Variants in THSD7B observed in about 807,000 individuals in gnomAD.
THSD7B encodes the protein thrombospondin type-1 domain-containing protein 7B.
THSD7B carries 138 observed loss-of-function variants against 213.6 expected under a neutral mutation model. The ratio of observed to expected loss-of-function variants is 0.65; its 90% CI spans 0.56 to 0.74. The LOEUF is 0.74. THSD7B is among the 30% of genes least tolerant of loss of function. THSD7B has a pLI of 0.00. For synonymous variants in THSD7B, 742 were observed against 687.0 expected (o/e 1.08, Z -1.25); for missense variants, 1,931 against 1,991.5 (o/e 0.97, Z 0.58).
At chr2:137,057,295 CTTCT>C in intron 3 of THSD7B, 65 bp downstream of exon 3, 1 of 1,372,756 alleles carries the variant, frequency 7.3e-7, no homozygotes, top group Non-Finnish European at 9.8e-7. Context: ...CTTTATAAAG[CTTCT>C]TTATGATTTT....
chr2:137,226,173 C>T (rs949454190), intron 7 of THSD7B, among the ~76,000 whole-genome samples: 8 of 151,574 alleles, frequency 5.3e-5, no homozygotes, highest in African/African-American at 1.9e-4. Flanking sequence ...AGAGTATTTT[C>T]GATAACTGTT....
chr2:137,424,223 A>C (rs976381037), intron 14 of THSD7B, among the ~76,000 whole-genome samples: 4 of 152,098 alleles, frequency 2.6e-5, no homozygotes, highest in African/African-American at 9.7e-5. Flanking sequence ...AAAAACTTAA[A>C]AGCATATCTT....
At chr2:137,330,200 T>C (rs1194675410) in intron 12 of THSD7B, among the ~76,000 whole-genome samples, 1 of 152,112 alleles carries the variant, frequency 6.6e-6, no homozygotes, top group Non-Finnish European at 1.5e-5. Flanking sequence ...AGAGGCCTCG[T>C]AAAGAAACTT....
chr2:137,234,903 T>A (rs1681730563), intron 9 of THSD7B, among the ~76,000 whole-genome samples: 1 of 152,182 alleles, frequency 6.6e-6, no homozygotes, highest in Non-Finnish European at 1.5e-5. Context: ...TCATAAATAC[T>A]GTTTTTGCTC....
At chr2:137,659,810 A>G (rs1454170359) in intron 25 of THSD7B, 64 bp downstream of exon 25, 4 of 1,477,546 alleles carry the variant, frequency 2.7e-6, no homozygotes, top group Admixed American at 4.2e-5. Flanking sequence ...ATGCAATCAG[A>G]TGTTCTCCTG....
At chr2:137,450,250 A>G (rs1008047012) in intron 14 of THSD7B, among the ~76,000 whole-genome samples, 7 of 152,204 alleles carry the variant, frequency 4.6e-5, no homozygotes, top group African/African-American at 1.7e-4. Context: ...AAGGCCAGGT[A>G]GAGCTAGAAC....
rs571659942 is a variant in THSD7B, at chr2:136,775,042, A to G, written c.-36+9355A>G. ...TGCCAGTTCCAGTTTCTAGGAATTT[A>G]CAGTCTACCTATGGAGATATGACAT... On this transcript the variant is annotated intron_variant, in intron 1 of 27. Transcript: ENST00000409968. 2.6e-5 allele frequency among the ~76,000 whole-genome samples: 4 copies of G among 152,270 alleles called. No homozygotes were observed. In the South Asian group the frequency reaches 8.3e-4, roughly 32 times the overall value.
chr2:137,221,765 G>A (rs1681376479), intron 7 of THSD7B, among the ~76,000 whole-genome samples: 2 of 152,076 alleles, frequency 1.3e-5, no homozygotes, highest in South Asian at 2.1e-4. Flanking sequence ...GTTTCTGAAG[G>A]TTAATTACAG....
At chr2:137,474,458 T>C (rs964590493) in intron 15 of THSD7B, among the ~76,000 whole-genome samples, 2 of 152,204 alleles carry the variant, frequency 1.3e-5, no homozygotes, top group Non-Finnish European at 1.5e-5. Flanking sequence ...GGAGACCACA[T>C]AGTCAACTGA....
chr2:136,941,127 C>G (rs1263753216), intron 2 of THSD7B, among the ~76,000 whole-genome samples: 1 of 152,006 alleles, frequency 6.6e-6, no homozygotes, highest in African/African-American at 2.4e-5. Context: ...GTCCTTGTGA[C>G]AGTTTGCTCA....
chr2:137,618,258 C>T (rs944523946), intron 18 of THSD7B, 134 bp from the exon 19 acceptor site: 6 of 682,516 alleles, frequency 8.8e-6, no homozygotes, highest in Non-Finnish European at 1.4e-5. Flanking sequence ...ATGATGATTC[C>T]CAAAGCTACC....
At chr2:136,949,992 G>A (rs1023750656) in intron 2 of THSD7B, among the ~76,000 whole-genome samples, 6 of 152,198 alleles carry the variant, frequency 3.9e-5, no homozygotes, top group Non-Finnish European at 8.8e-5. Flanking sequence ...GGCGCAACAC[G>A]CCTGTAATCG....
intron 2 of THSD7B, among the ~76,000 whole-genome samples, chr2:137,044,787 G>A (rs1686941206): frequency 2.0e-5 from 3 of 152,124 alleles, no homozygotes; most frequent in African/African-American, 7.2e-5. Flanking sequence ...AAATGACTGT[G>A]CGATGATATG....
intron 2 of THSD7B, among the ~76,000 whole-genome samples, chr2:137,029,091 T>TC (rs1190143978): frequency 6.7e-6 from 1 of 150,292 alleles, no homozygotes; most frequent in Non-Finnish European, 1.5e-5. Context: ...TTTTTTTTTT[T>TC]TTTTTGAGAA....
intron 15 of THSD7B, among the ~76,000 whole-genome samples, chr2:137,458,233 C>T (rs944909462): frequency 2.0e-5 from 3 of 152,228 alleles, no homozygotes; most frequent in East Asian, 1.9e-4. Flanking sequence ...TATTACCTTT[C>T]GGGAAACACT....
intron 2 of THSD7B, among the ~76,000 whole-genome samples, chr2:136,912,347 A>G (rs1018591317): frequency 2.7e-5 from 4 of 150,462 alleles, no homozygotes; most frequent in Non-Finnish European, 5.9e-5. Flanking sequence ...AAAAAAAAAA[A>G]AGGAGAGAGG....
At chr2:137,156,707 A>T (rs1679917198) in intron 5 of THSD7B, among the ~76,000 whole-genome samples, 1 of 152,184 alleles carries the variant, frequency 6.6e-6, no homozygotes, top group Admixed American at 6.5e-5. Flanking sequence ...TTCAGAACGT[A>T]TTTCCCAGGC....
intron 15 of THSD7B, among the ~76,000 whole-genome samples, chr2:137,456,680 C>A (rs1232504609): frequency 5.3e-5 from 8 of 152,156 alleles, no homozygotes; most frequent in Admixed American, 5.2e-4. Context: ...GTGTACTGTT[C>A]TTACATGCAG....
At chr2:137,422,947 G>A (rs574814433) in intron 14 of THSD7B, among the ~76,000 whole-genome samples, 1 of 152,190 alleles carries the variant, frequency 6.6e-6, no homozygotes, top group Admixed American at 6.5e-5. Flanking sequence ...TTCTAGAGAA[G>A]GCATTGTATG....
Sources: allele counts gnomAD v4.1 joint callset (sites outside exome capture counted in the v4.1 genomes callset), GRCh38; gene constraint gnomAD v4.1.1; transcripts MANE v1.5; gene names NCBI Gene and HGNC (gene_info 2026-07-23, HGNC 2026-07-21).